The following XPR1 variants were observed in gnomAD, a reference collection of about 807,000 sequenced individuals.
XPR1 encodes xenotropic and polytropic retrovirus receptor 1, also known as solute carrier family 53 member 1.
In XPR1, 28 loss-of-function variants were observed where a neutral mutation model predicts 87.5. That is an observed-to-expected ratio of 0.32 (90% confidence interval 0.24 to 0.44). The LOEUF is 0.44. XPR1 is among the 20% of genes least tolerant of loss of function. XPR1 has a pLI of 1.00. For missense variants in XPR1, 559 were observed against 862.3 expected (o/e 0.65, Z 4.41); for synonymous variants, 300 against 306.1 (o/e 0.98, Z 0.21).
intron 7 of XPR1, among the ~76,000 whole-genome samples, chr1:180,812,202 T>C (rs1212150345): frequency 6.6e-6 from 1 of 152,198 alleles, no homozygotes; most frequent in Non-Finnish European, 1.5e-5. Context: ...GTTCCCAGTC[T>C]CCTTTGCTAG....
chr1:180,671,642 A>G (rs527844859), intron 1 of XPR1, among the ~76,000 whole-genome samples: 2 of 152,162 alleles, frequency 1.3e-5, no homozygotes, highest in African/African-American at 2.4e-5. Context: ...CTCTTGCCTC[A>G]GCCTTGGGAT....
At chr1:180,785,011 T>TGTGTGTGTGTGTGTGTGTG (rs1649083957) in intron 2 of XPR1, among the ~76,000 whole-genome samples, 1 of 136,280 alleles carries the variant, frequency 7.3e-6, no homozygotes. Context: ...GTGTGTGTGT[T>TGTGTGTGTGTGTGTGTGTG]TGTGTGTGTG....
At chr1:180,720,493 A>C (rs1658145899) in intron 2 of XPR1, among the ~76,000 whole-genome samples, 1 of 152,224 alleles carries the variant, frequency 6.6e-6, no homozygotes, top group Admixed American at 6.5e-5. Context: ...AGCATTTATA[A>C]ATTGATGAAT....
chr1:180,638,277 G>C (rs1350097106), intron 1 of XPR1, among the ~76,000 whole-genome samples: 2 of 151,998 alleles, frequency 1.3e-5, no homozygotes, highest in African/African-American at 4.8e-5. Context: ...ATACAGATGG[G>C]TATAATTAAT....
At chr1:180,686,534 G>T (rs1010960745) in intron 2 of XPR1, among the ~76,000 whole-genome samples, 1 of 152,102 alleles carries the variant, frequency 6.6e-6, no homozygotes. Flanking sequence ...CAATTCCTGG[G>T]TATCCTTGTT....
intron 2 of XPR1, among the ~76,000 whole-genome samples, chr1:180,779,261 A>G (rs1648845306): frequency 6.6e-6 from 1 of 152,132 alleles, no homozygotes; most frequent in Non-Finnish European, 1.5e-5. Flanking sequence ...ATAGTCTATA[A>G]TTCTTTGTTT....
chr1:180,762,289 A>G (rs992277255), intron 2 of XPR1, among the ~76,000 whole-genome samples: 1 of 152,130 alleles, frequency 6.6e-6, no homozygotes, highest in Admixed American at 6.5e-5. Context: ...AATAAAAAGA[A>G]AGGTAAAGAT....
intron 2 of XPR1, among the ~76,000 whole-genome samples, chr1:180,745,119 T>C (rs1659047780): frequency 6.6e-6 from 1 of 152,214 alleles, no homozygotes. Flanking sequence ...AGTATATTCA[T>C]AGTTTAATTT....
chr1:180,761,464 A>G (rs1223115670), intron 2 of XPR1, among the ~76,000 whole-genome samples: 3 of 152,254 alleles, frequency 2.0e-5, no homozygotes. Flanking sequence ...GGCGAAGGAT[A>G]TGAACAGACA....
intron 2 of XPR1, among the ~76,000 whole-genome samples, chr1:180,731,246 G>C (rs745597537): frequency 2.6e-5 from 4 of 152,162 alleles, no homozygotes; most frequent in Non-Finnish European, 4.4e-5. Flanking sequence ...AAACACCAGA[G>C]GTTTGGTCTA....
chr1:180,837,119 A>G (rs757182259), intron 11 of XPR1, among the ~76,000 whole-genome samples: 1 of 152,192 alleles, frequency 6.6e-6, no homozygotes, highest in Non-Finnish European at 1.5e-5. Context: ...ACCAAGTAGT[A>G]AGAATTGTTT....
Position 180,883,126 on chromosome 1 carries a change from CTT to C in XPR1, c.2031-858_2031-857del, listed in dbSNP as rs10690260. 1.3e-4 allele frequency among the ~76,000 whole-genome samples: 11 copies of C among 87,204 alleles called. No homozygotes were observed. The South Asian group carries it at 1.4e-3, about 11-fold the overall frequency. The allele number at this position is 87,204 out of a possible 152,430, so 57.2% of individuals were successfully genotyped here. ...TACAGGTTTGCACTATCATACCTGG[CTT>C]TTTTTTTTTTTTTTTTTTTTTAAGA... On this transcript the variant is annotated intron_variant, in intron 14 of 14. Transcript: ENST00000367590.
At chr1:180,863,599 GCTTT>G (rs1652289581) in intron 11 of XPR1, 105 bp from the exon 12 acceptor site, 1 of 960,946 alleles carries the variant, frequency 1.0e-6, no homozygotes, top group Admixed American at 2.9e-5. Flanking sequence ...TTAAAGCTTT[GCTTT>G]CTTATGGAGC....
rs899088919 is a variant in XPR1 at position 180,796,310 on chromosome 1, T to G, written c.224-7078T>G. Among the ~76,000 whole-genome samples the G allele has an allele frequency of 4.6e-5, 7 of 152,294 alleles. No homozygotes were observed. The East Asian group carries it at 1.3e-3, about 29-fold the overall frequency. ...TGTCAAAAGCAGTATTTCTTATTCT[T>G]TTTAAACCTATACCCCTTTGATAGA... On this transcript the variant is annotated intron_variant, in intron 3 of 14. Coordinates refer to ENST00000367590, the MANE Select transcript of XPR1 (RefSeq NM_004736.4).
chr1:180,845,081 T>G (rs1651632757), intron 11 of XPR1, among the ~76,000 whole-genome samples: 1 of 152,230 alleles, frequency 6.6e-6, no homozygotes, highest in African/African-American at 2.4e-5. Context: ...CAGTTAATTT[T>G]GTAGAATAAA....
At chr1:180,707,991 G>A (rs922956856) in intron 2 of XPR1, among the ~76,000 whole-genome samples, 4 of 152,004 alleles carry the variant, frequency 2.6e-5, no homozygotes, top group Admixed American at 6.6e-5. Flanking sequence ...ACGCCTAGTT[G>A]GAAATTTAAA....
intron 11 of XPR1, among the ~76,000 whole-genome samples, chr1:180,855,482 T>G (rs1251302372): frequency 6.6e-6 from 1 of 151,986 alleles, no homozygotes; most frequent in Non-Finnish European, 1.5e-5. Context: ...CTGGCCAACA[T>G]GGTGAAACCT....
rs75644785 is a variant in XPR1, at chr1:180,696,926, G to A, written c.121+14515G>A. ...AGGATTTTTGCTTCTGTGTTTGTCA[G>A]AGATATTGGCCTGTAGTTTTTTTGT... On this transcript the variant is annotated intron_variant, in intron 2 of 14. Transcript: ENST00000367590. 5.7e-3 allele frequency among the ~76,000 whole-genome samples: 870 copies of A among 152,206 alleles called. 12 individuals carry two copies. The highest frequency in any genetic ancestry group is 0.02 in the African/African-American group (819 of 41,528).
At chr1:180,691,996 T>C (rs1657009068) in intron 2 of XPR1, among the ~76,000 whole-genome samples, 1 of 152,166 alleles carries the variant, frequency 6.6e-6, no homozygotes, top group South Asian at 2.1e-4. Flanking sequence ...TTTTAAATCT[T>C]GTCCCCTCTC....
Sources: allele counts gnomAD v4.1 joint callset (sites outside exome capture counted in the v4.1 genomes callset), GRCh38; gene constraint gnomAD v4.1.1; transcripts MANE v1.5; gene names NCBI Gene and HGNC (gene_info 2026-07-23, HGNC 2026-07-21).